MYLK: variants seen among roughly 807,000 people sequenced by gnomAD.
MYLK encodes the protein myosin light chain kinase, smooth muscle.
A neutral mutation model predicts 203.4 loss-of-function variants in MYLK; 106 were observed. The observed-to-expected ratio is 0.52, with a 90% CI of 0.45 to 0.61. The LOEUF (loss-of-function observed/expected upper bound fraction) is 0.61, where lower values mean the gene tolerates loss of function less well. MYLK is among the 20% of genes least tolerant of loss of function. The pLI is 0.00. For synonymous variants in MYLK, 867 were observed against 959.5 expected (o/e 0.90, Z 1.78); for missense variants, 2,072 against 2,442.3 (o/e 0.85, Z 3.20).
intron 2 of MYLK, among the ~76,000 whole-genome samples, chr3:123,847,038 C>G (rs554967233): frequency 2.0e-5 from 3 of 151,978 alleles, no homozygotes; most frequent in African/African-American, 7.3e-5. Flanking sequence ...ACGGCTTCAA[C>G]CAACTGCAAA....
chr3:123,663,914 C>T (rs1274895569), intron 23 of MYLK, among the ~76,000 whole-genome samples, 191 bp downstream of exon 23: 2 of 152,150 alleles, frequency 1.3e-5, no homozygotes, highest in African/African-American at 2.4e-5. Flanking sequence ...CTCTGCTGAG[C>T]CTGGAGGTCA....
intron 13 of MYLK, among the ~76,000 whole-genome samples, chr3:123,713,412 C>T (rs554830540): frequency 2.6e-5 from 4 of 152,076 alleles, no homozygotes; most frequent in East Asian, 1.9e-4. Flanking sequence ...ATGACAAGGC[C>T]GGGATGTTAC....
chr3:123,859,200 A>G (rs1463281893), intron 2 of MYLK, among the ~76,000 whole-genome samples: 3 of 152,246 alleles, frequency 2.0e-5, no homozygotes, highest in South Asian at 4.1e-4. Context: ...TCCATTCTAC[A>G]CTAAAAAGAT....
rs1461478056 is a variant in MYLK, at chr3:123,774,090, A to G, written c.165+19587T>C. On this transcript the variant is annotated intron_variant, in intron 4 of 33. Coordinates refer to ENST00000360304, the MANE Select transcript of MYLK (RefSeq NM_053025.4). ...GAAAAGCAAGGAGAGGCTGGGCGCC[A>G]ACCTTCTCCCCAGCTGTTTTCAATA... is the stretch of plus-strand genomic sequence containing the variant. 5.3e-5 allele frequency among the ~76,000 whole-genome samples: 8 copies of G among 152,180 alleles called. No individual in the cohort carries two copies. In the East Asian group the frequency reaches 1.5e-3, roughly 29 times the overall value.
rs1418057902 is a variant in MYLK at position 123,700,357 on chromosome 3, T to G, written c.3111A>C (p.Pro1037=). 2.5e-6 allele frequency: 4 copies of G among 1,613,292 alleles called. No homozygotes were observed. The highest frequency in any genetic ancestry group is 2.7e-5 in the African/African-American group (2 of 74,620). ...TCTCGGCAGGCTTGGCGTTGCCCAT[T>G]GGCTTCAGGGTCTCAGCAGGCTTGG... The part of the protein sequence containing the change: ...GNAKPAETLK[P]MGNAKPAETL... The change falls in exon 18 of 34, where the codon CCA becomes CCC. Residue 1037 remains proline (P), a synonymous_variant. Coordinates refer to ENST00000360304, the MANE Select transcript of MYLK (RefSeq NM_053025.4).
chr3:123,833,969 A>G (rs1296286605), intron 2 of MYLK, among the ~76,000 whole-genome samples: 1 of 152,174 alleles, frequency 6.6e-6, no homozygotes, highest in Non-Finnish European at 1.5e-5. Flanking sequence ...TCCACTGAAC[A>G]ATGGACAATT....
intron 2 of MYLK, among the ~76,000 whole-genome samples, chr3:123,864,719 A>T (rs1031041735): frequency 2.0e-5 from 3 of 152,112 alleles, no homozygotes; most frequent in Non-Finnish European, 4.4e-5. Context: ...AGCCTGGGCA[A>T]CATAGTGAGA....
chr3:123,619,199 G>T (rs2057702826), intron 32 of MYLK, among the ~76,000 whole-genome samples: 1 of 152,212 alleles, frequency 6.6e-6, no homozygotes, highest in Admixed American at 6.5e-5. Context: ...TCAGGTCCTA[G>T]CCGCATCTTT....
At chr3:123,833,201 G>A (rs1473776772) in intron 2 of MYLK, among the ~76,000 whole-genome samples, 1 of 152,022 alleles carries the variant, frequency 6.6e-6, no homozygotes, top group Non-Finnish European at 1.5e-5. Context: ...TTGGCCACAG[G>A]ACCAAATGAG....
At chr3:123,709,713 C>T in intron 14 of MYLK, 43 bp downstream of exon 14, 3 of 1,611,800 alleles carry the variant, frequency 1.9e-6, no homozygotes, top group Non-Finnish European at 2.5e-6. Flanking sequence ...GCAACCAAGA[C>T]CATTTTCATG....
At chr3:123,833,496 T>A (rs2066398532) in intron 2 of MYLK, among the ~76,000 whole-genome samples, 1 of 143,902 alleles carries the variant, frequency 6.9e-6, no homozygotes, top group Non-Finnish European at 1.5e-5. Context: ...CCAAACCTGC[T>A]GCTCTCCCTA....
intron 20 of MYLK, among the ~76,000 whole-genome samples, chr3:123,669,191 G>A (rs551854462): frequency 1.1e-4 from 16 of 152,334 alleles, no homozygotes; most frequent in Admixed American, 9.1e-4. Context: ...GATGGCTGCC[G>A]GCTGTGTGGT....
intron 3 of MYLK, chr3:123,800,072 G>A (rs1368269296): frequency 6.6e-6 from 1 of 152,196 alleles, no homozygotes. Flanking sequence ...ACCCGGTCCG[G>A]GAGATCTGTT....
chr3:123,722,653 G>T (rs2062134911), intron 12 of MYLK, among the ~76,000 whole-genome samples: 1 of 152,166 alleles, frequency 6.6e-6, no homozygotes, highest in African/African-American at 2.4e-5. Context: ...AGAATTCTGA[G>T]CCTGGAGAGA....
chr3:123,714,738 C>G (rs1404081649), intron 13 of MYLK, among the ~76,000 whole-genome samples: 1 of 152,200 alleles, frequency 6.6e-6, no homozygotes, highest in Non-Finnish European at 1.5e-5. Context: ...GATTAAGGAT[C>G]TAAAGTGCAT....
Position 123,657,145 on chromosome 3 carries a change from C to A in MYLK, c.4269G>T (p.Thr1423=). The A allele has an allele frequency of 6.2e-7, 1 of 1,614,148 alleles. No individual in the cohort carries two copies. Among genetic ancestry groups the A allele is most frequent in the Non-Finnish European group, 8.5e-7 (1 of 1,180,022 alleles). ...SEPSQESELT[T]VGEKPEEPKD... The stretch of plus-strand genomic sequence containing the variant: ...GCCTACCTTCAGGTTTCTCTCCTAC[C>A]GTTGTGAGTTCAGACTCCTGGCTTG... The change falls in exon 24 of 34, where the codon ACG becomes ACT. Residue 1423 remains threonine (T), a synonymous_variant. Coordinates refer to ENST00000360304, the MANE Select transcript of MYLK (RefSeq NM_053025.4).
rs957655610 is a variant in MYLK at position 123,610,194 on chromosome 3, A to G, written c.*3911T>C. 4 of 152,216 alleles carry G rather than the reference A, an allele frequency of 2.6e-5. No homozygotes were observed. The highest frequency in any genetic ancestry group is 9.7e-5 in the African/African-American group (4 of 41,446). 9.4% of individuals were successfully genotyped at this position (152,216 alleles called of 1,614,324 possible). ...CTGTCGAGCATTTGAAATGTAACTC[A>G]TACAACTGAGGAACTGAATTTTTTA... On this transcript the variant is annotated 3_prime_UTR_variant, in exon 34 of 34. Transcript: ENST00000360304.
At chr3:123,696,591 C>G (rs964344995) in intron 18 of MYLK, among the ~76,000 whole-genome samples, 1 of 152,026 alleles carries the variant, frequency 6.6e-6, no homozygotes, top group Non-Finnish European at 1.5e-5. Context: ...ATTCCTTCAT[C>G]TTCTTTACCT....
chr3:123,761,805 C>T (rs957017451), intron 4 of MYLK, among the ~76,000 whole-genome samples: 2 of 152,096 alleles, frequency 1.3e-5, no homozygotes, highest in Non-Finnish European at 2.9e-5. Context: ...GCAGGTGGAT[C>T]GCCTGAGGTC....
Sources: allele counts gnomAD v4.1 joint callset (sites outside exome capture counted in the v4.1 genomes callset), GRCh38; gene constraint gnomAD v4.1.1; transcripts MANE v1.5; gene names NCBI Gene and HGNC (gene_info 2026-07-23, HGNC 2026-07-21).